KDM4C: variants seen among roughly 807,000 people sequenced by gnomAD.
KDM4C encodes the protein lysine-specific demethylase 4C.
A neutral mutation model predicts 129.3 loss-of-function variants in KDM4C; 81 were observed. The observed-to-expected ratio is 0.63, with a 90% CI of 0.52 to 0.75. The LOEUF (loss-of-function observed/expected upper bound fraction) is 0.75. Ranked by LOEUF, KDM4C falls within the 30% of genes least tolerant of loss-of-function variation. The probability of loss-of-function intolerance (pLI) is 0.00; values close to 1 mark genes in which losing one functional copy is unlikely to be tolerated. For synonymous variants in KDM4C, 573 were observed against 456.1 expected (o/e 1.26, Z -3.26); for missense variants, 1,457 against 1,304.0 (o/e 1.12, Z -1.81).
chr9:7,034,066 G>A (rs766887583), intron 15 of KDM4C, among the ~76,000 whole-genome samples: 8 of 151,598 alleles, frequency 5.3e-5, no homozygotes, highest in Admixed American at 2.6e-4. Context: ...TCTGATTGTT[G>A]CTTTTCTTAA....
intron 2 of KDM4C, among the ~76,000 whole-genome samples, chr9:6,796,612 A>G (rs769586565): frequency 1.1e-4 from 16 of 152,198 alleles, no homozygotes; most frequent in Non-Finnish European, 2.2e-4. Context: ...TGTCTGCATT[A>G]TGTAACTGAA....
At chr9:7,070,982 T>G (rs1301064107) in intron 17 of KDM4C, among the ~76,000 whole-genome samples, 2 of 152,186 alleles carry the variant, frequency 1.3e-5, no homozygotes, top group African/African-American at 2.4e-5. Context: ...TGTCAAGTTT[T>G]CAGGGGTACA....
chr9:6,824,737 A>T (rs963425636), intron 4 of KDM4C, among the ~76,000 whole-genome samples: 1 of 152,174 alleles, frequency 6.6e-6, no homozygotes, highest in Non-Finnish European at 1.5e-5. Flanking sequence ...AGGTGACCAT[A>T]GGGTAGAGAG....
chr9:6,835,374 C>T, intron 4 of KDM4C: 7 of 1,092,766 alleles, frequency 6.4e-6, no homozygotes, highest in East Asian at 2.4e-5. Context: ...TGTACCCTAG[C>T]GTTGCCAACA....
At chr9:7,051,158 G>A (rs1830103346) in intron 17 of KDM4C, among the ~76,000 whole-genome samples, 1 of 152,168 alleles carries the variant, frequency 6.6e-6, no homozygotes. Flanking sequence ...TTTATGGAAA[G>A]TTTCTTAGAA....
intron 19 of KDM4C, among the ~76,000 whole-genome samples, chr9:7,151,775 C>A (rs993664154): frequency 1.3e-5 from 2 of 152,164 alleles, no homozygotes; most frequent in African/African-American, 4.8e-5. Context: ...TGGCTTGAAT[C>A]GATTAACCCA....
intron 5 of KDM4C, among the ~76,000 whole-genome samples, chr9:6,856,066 T>C (rs1250790821): frequency 6.6e-6 from 1 of 152,160 alleles, no homozygotes; most frequent in East Asian, 1.9e-4. Context: ...CTAGCATGCC[T>C]CTAGTGCCTG....
chr9:7,129,254 C>G (rs552961249), intron 19 of KDM4C, among the ~76,000 whole-genome samples: 132 of 152,246 alleles, frequency 8.7e-4, no homozygotes, highest in Non-Finnish European at 1.8e-3. Context: ...AAGACAGTTT[C>G]TAGGATTTTG....
intron 4 of KDM4C, among the ~76,000 whole-genome samples, chr9:6,841,404 CTT>C (rs1836881257): frequency 6.6e-6 from 1 of 152,130 alleles, no homozygotes; most frequent in Non-Finnish European, 1.5e-5. Flanking sequence ...TATGGAAAGA[CTT>C]AGCGAGAGAG....
At chr9:6,997,874 T>C (rs1332504946) in intron 12 of KDM4C, among the ~76,000 whole-genome samples, 3 of 152,272 alleles carry the variant, frequency 2.0e-5, no homozygotes, top group Admixed American at 2.0e-4. Flanking sequence ...AAACTTTTAC[T>C]TATAACTCTT....
At chr9:6,865,026 T>G (rs1841674815) in intron 5 of KDM4C, among the ~76,000 whole-genome samples, 1 of 144,572 alleles carries the variant, frequency 6.9e-6, no homozygotes, top group Non-Finnish European at 1.5e-5. Context: ...TTTTTTTTTG[T>G]GAGATAGAGT....
rs191090364 is a variant in KDM4C, at chr9:7,127,755, A to G, written c.2611-311A>G. Among the ~76,000 whole-genome samples the G allele has an allele frequency of 3.3e-5, 5 of 152,296 alleles. No individual in the cohort carries two copies. In the East Asian group the frequency reaches 9.6e-4, roughly 29 times the overall value. On this transcript the variant is annotated intron_variant, in intron 18 of 21. Transcript: ENST00000381309. Reference sequence around the variant, plus strand: ...TGTCCTGAAGTTGATATATTTGCATATACACATACACGTGTGTATATATAT... The same window carrying G: ...TGTCCTGAAGTTGATATATTTGCATGTACACATACACGTGTGTATATATAT...
chr9:7,042,274 T>C (rs1323401), intron 15 of KDM4C, among the ~76,000 whole-genome samples: 53,387 of 151,954 alleles, frequency 0.35, 10,395 homozygotes, highest in Middle Eastern at 0.47. Context: ...ATCTGCATTA[T>C]ATTAAACATT....
At chr9:6,951,184 C>G (rs1287916527) in intron 8 of KDM4C, among the ~76,000 whole-genome samples, 3 of 152,058 alleles carry the variant, frequency 2.0e-5, no homozygotes, top group Non-Finnish European at 4.4e-5. Flanking sequence ...TGGGAACATT[C>G]AATGTCTTCT....
chr9:6,849,534 C>T lies in KDM4C; in HGVS notation c.463C>T (p.Leu155Phe). ...EGVDEWNIAR[L>F]NTVLDVVEEE... ...TGTGGATGAATGGAACATAGCTCGC[C>T]TCAATACAGTCTTGGATGTGGTTGA... Residue 155 changes from leucine (L) to phenylalanine (F), a missense_variant, in exon 5 of 22, where the codon CTC becomes TTC. Leu to Phe is a conservative substitution (Grantham distance 22). Transcript: ENST00000381309. 1 of 1,606,110 alleles carries T rather than the reference C, an allele frequency of 6.2e-7. No homozygotes were observed. The highest frequency in any genetic ancestry group is 8.5e-7 in the Non-Finnish European group (1 of 1,174,230).
chr9:6,980,509 G>A (rs980954289), intron 8 of KDM4C, among the ~76,000 whole-genome samples: 1 of 152,132 alleles, frequency 6.6e-6, no homozygotes, highest in African/African-American at 2.4e-5. Context: ...CAACTCACTG[G>A]TTAAAGTATT....
At chr9:6,817,609 C>G (rs1275272272) in intron 4 of KDM4C, among the ~76,000 whole-genome samples, 1 of 152,026 alleles carries the variant, frequency 6.6e-6, no homozygotes, top group South Asian at 2.1e-4. Context: ...TTTCCTCATT[C>G]TGCATCTGAA....
intron 17 of KDM4C, among the ~76,000 whole-genome samples, chr9:7,067,901 T>C (rs1352329953): frequency 1.3e-5 from 2 of 152,110 alleles, no homozygotes; most frequent in African/African-American, 4.8e-5. Flanking sequence ...GTTCATGCCA[T>C]TCTGCTGCCT....
At chr9:7,041,470 GC>G (rs1454134434) in intron 15 of KDM4C, among the ~76,000 whole-genome samples, 1 of 151,784 alleles carries the variant, frequency 6.6e-6, no homozygotes, top group Non-Finnish European at 1.5e-5. Context: ...CTTTTACTCT[GC>G]CAATTCCAGT....
Sources: gnomAD v4.1 joint callset for allele counts (sites outside exome capture counted in the v4.1 genomes callset) on GRCh38, gnomAD v4.1.1 for gene constraint, MANE v1.5 for transcripts, NCBI Gene and HGNC (gene_info 2026-07-23, HGNC 2026-07-21) for gene names.